The following CFTR variants were observed in gnomAD, a reference collection of about 807,000 sequenced individuals.
CFTR encodes CF transmembrane conductance regulator.
A neutral mutation model predicts 171.6 loss-of-function variants in CFTR; 181 were observed. That is an observed-to-expected ratio of 1.05 (90% CI 0.93 to 1.19). CFTR has a LOEUF of 1.19. Ranked by LOEUF, CFTR falls within the 50% of genes most tolerant of loss-of-function variation. CFTR has a pLI of 0.00. For missense variants in CFTR, 1,968 were observed against 1,734.7 expected (o/e 1.13, Z -2.39); for synonymous variants, 583 against 608.0 (o/e 0.96, Z 0.60).
chr7:117,544,853 C>T (rs1230560304), intron 9 of CFTR, among the ~76,000 whole-genome samples: 1 of 152,222 alleles, frequency 6.6e-6, no homozygotes, highest in African/African-American at 2.4e-5. Flanking sequence ...TCTATTAAAA[C>T]TGTTATACTC....
At chr7:117,666,572 C>T (rs546608774) in intron 26 of CFTR, among the ~76,000 whole-genome samples, 1 of 152,252 alleles carries the variant, frequency 6.6e-6, no homozygotes, top group East Asian at 1.9e-4. Context: ...GGAAGAGGCT[C>T]AACTCTTTAT....
intron 10 of CFTR, among the ~76,000 whole-genome samples, chr7:117,550,325 G>A (rs1408298301): frequency 2.1e-5 from 3 of 142,750 alleles, no homozygotes; most frequent in African/African-American, 7.9e-5. Context: ...CTAGGTGATA[G>A]GCTCAAAAAA....
chr7:117,501,747 CAAAAAAA>C (rs1212853305), intron 1 of CFTR, among the ~76,000 whole-genome samples: 75 of 43,902 alleles, frequency 1.7e-3, no homozygotes, highest in African/African-American at 4.1e-3. Flanking sequence ...AACTCTGTCT[CAAAAAAA>C]AAAAAAAAAA....
intron 7 of CFTR, among the ~76,000 whole-genome samples, chr7:117,537,290 A>C (rs566933049): frequency 6.6e-6 from 1 of 152,326 alleles, no homozygotes; most frequent in African/African-American, 2.4e-5. Flanking sequence ...CCTTTCACTG[A>C]TTAGTAAAGA....
intron 15 of CFTR, among the ~76,000 whole-genome samples, chr7:117,597,378 T>C (rs1792147982): frequency 6.6e-6 from 1 of 152,144 alleles, no homozygotes; most frequent in Admixed American, 6.5e-5. Context: ...ACCCACCAAT[T>C]CCGGACACAA....
intron 22 of CFTR, among the ~76,000 whole-genome samples, chr7:117,639,165 T>G (rs1792875360): frequency 6.6e-6 from 1 of 152,242 alleles, no homozygotes; most frequent in Admixed American, 6.5e-5. Context: ...TAGCAATTAC[T>G]TTATGAAAAA....
chr7:117,583,127 TTGTAG>T (rs1791873790), intron 11 of CFTR, among the ~76,000 whole-genome samples: 2 of 152,208 alleles, frequency 1.3e-5, no homozygotes, highest in Non-Finnish European at 2.9e-5. Context: ...GAAATTGCAT[TTGTAG>T]TCTTTGGACA....
At chr7:117,517,879 T>A (rs892832364) in intron 3 of CFTR, among the ~76,000 whole-genome samples, 2 of 152,248 alleles carry the variant, frequency 1.3e-5, no homozygotes, top group African/African-American at 2.4e-5. Context: ...GTTCATATCC[T>A]TTCCCCACTT....
intron 24 of CFTR, among the ~76,000 whole-genome samples, chr7:117,663,258 G>A (rs1216898718): frequency 6.6e-6 from 1 of 152,118 alleles, no homozygotes; most frequent in African/African-American, 2.4e-5. Flanking sequence ...CTAACTCCCT[G>A]CCCAGTGCCC....
chr7:117,535,570 C>G (rs111800752), intron 6 of CFTR, among the ~76,000 whole-genome samples, 159 bp downstream of exon 6: 4 of 140,172 alleles, frequency 2.9e-5, no homozygotes, highest in African/African-American at 8.5e-5. Flanking sequence ...AGATCTGTCA[C>G]CCAGGCTGGA....
chr7:117,493,987 G>A (rs952513953), intron 1 of CFTR, among the ~76,000 whole-genome samples: 1 of 152,112 alleles, frequency 6.6e-6, no homozygotes, highest in Non-Finnish European at 1.5e-5. Flanking sequence ...TAAGACAGAA[G>A]AGAAAAATTC....
At chr7:117,550,384 CT>C (rs1312559593) in intron 10 of CFTR, among the ~76,000 whole-genome samples, 2 of 151,860 alleles carry the variant, frequency 1.3e-5, no homozygotes, top group African/African-American at 4.8e-5. Flanking sequence ...GGTTGTTTCT[CT>C]CTCCAGTTGT....
chr7:117,578,871 A>G (rs889948824), intron 11 of CFTR, among the ~76,000 whole-genome samples: 41 of 152,086 alleles, frequency 2.7e-4, no homozygotes, highest in African/African-American at 9.2e-4. Flanking sequence ...AAAATTTAAG[A>G]TATATGTTAA....
chr7:117,654,955 G>A (rs1194161687), intron 24 of CFTR, among the ~76,000 whole-genome samples: 1 of 152,136 alleles, frequency 6.6e-6, no homozygotes, highest in Admixed American at 6.5e-5. Flanking sequence ...AAATGGCTTT[G>A]GAGTCATTCT....
chr7:117,521,590 A>G (rs1324545693), intron 3 of CFTR, among the ~76,000 whole-genome samples: 4 of 152,156 alleles, frequency 2.6e-5, no homozygotes. Flanking sequence ...TCAAAATTAA[A>G]CTGTCCTATT....
intron 22 of CFTR, among the ~76,000 whole-genome samples, chr7:117,636,311 C>A (rs1480949491): frequency 6.6e-6 from 1 of 151,824 alleles, no homozygotes; most frequent in African/African-American, 2.4e-5. Flanking sequence ...ACATGATATG[C>A]CTTTCTTTTT....
In CFTR at chr7:117,507,735, T is replaced by C. The variant is rs540322721; in HGVS notation, c.165-1299T>C. On this transcript the variant is annotated intron_variant, in intron 2 of 26. Transcript: ENST00000003084. ...GGATGCCAAGATCCATGCTTAGAGA[T>C]TGCCAGGCTTGTCTTCAAATCTCAG... Among the ~76,000 whole-genome samples, 6 of 152,312 alleles carry C rather than the reference T, an allele frequency of 3.9e-5. 1 individual carries two copies. In the South Asian group the frequency reaches 1.2e-3, roughly 32 times the overall value.
chr7:117,539,960 A>G (rs1403578255), intron 7 of CFTR, 140 bp from the exon 8 acceptor site: 2 of 681,732 alleles, frequency 2.9e-6, no homozygotes, highest in Non-Finnish European at 5.0e-6. Flanking sequence ...CCAAGGTCAC[A>G]CAGGTCATAT....
intron 18 of CFTR, among the ~76,000 whole-genome samples, chr7:117,608,877 C>A (rs914340353): frequency 3.9e-5 from 6 of 152,026 alleles, no homozygotes; most frequent in Non-Finnish European, 5.9e-5. Context: ...ACTCTATTTT[C>A]TATTATTTTT....
Sources: allele counts gnomAD v4.1 joint callset (sites outside exome capture counted in the v4.1 genomes callset), GRCh38; gene constraint gnomAD v4.1.1; transcripts MANE v1.5; gene names NCBI Gene and HGNC (gene_info 2026-07-23, HGNC 2026-07-21).